The following ADCY9 variants were observed in gnomAD, a reference collection of about 807,000 sequenced individuals.
The protein encoded by ADCY9 is adenylate cyclase type 9.
Under a neutral mutation model 101.5 loss-of-function variants are expected in ADCY9, and 50 were observed. The ratio of observed to expected loss-of-function variants is 0.49; its 90% CI spans 0.39 to 0.62. The LOEUF is 0.62. Ranked by LOEUF, ADCY9 falls within the 20% of genes least tolerant of loss-of-function variation. The pLI is 0.00. For synonymous variants in ADCY9, 905 were observed against 769.3 expected (o/e 1.18, Z -2.92); for missense variants, 1,662 against 1,800.4 (o/e 0.92, Z 1.39).
At position 3,976,912 on chromosome 16, in the gene ADCY9, C is replaced by A. The variant is rs546336306; in HGVS notation, c.2828+570G>T. Among the ~76,000 whole-genome samples the A allele has an allele frequency of 5.3e-5, 8 of 152,360 alleles. No homozygotes were observed. The South Asian group carries it at 1.5e-3, about 28-fold the overall frequency. On this transcript the variant is annotated intron_variant, in intron 9 of 10. Coordinates refer to ENST00000294016, the MANE Select transcript of ADCY9 (RefSeq NM_001116.4). ...ACCTCAGGTGATCTGCCTGCCTTGG[C>A]CTCCCAAAGTGCTGGGATTACAGGC...
At chr16:4,090,694 T>C (rs1287242051) in intron 2 of ADCY9, among the ~76,000 whole-genome samples, 4 of 151,772 alleles carry the variant, frequency 2.6e-5, no homozygotes, top group Non-Finnish European at 4.4e-5. Flanking sequence ...AGGAAGTTCC[T>C]AGAGTTGTTG....
intron 2 of ADCY9, among the ~76,000 whole-genome samples, chr16:4,103,962 C>T (rs1397569382): frequency 6.6e-6 from 1 of 152,168 alleles, no homozygotes; most frequent in East Asian, 1.9e-4. Context: ...CCTACGACGA[C>T]GCTGCTGCCC....
At chr16:4,102,653 G>A (rs984326254) in intron 2 of ADCY9, among the ~76,000 whole-genome samples, 12 of 152,068 alleles carry the variant, frequency 7.9e-5, no homozygotes, top group Admixed American at 7.2e-4. Flanking sequence ...TCGAACTCCC[G>A]ACCTCAGGTG....
chr16:3,982,941 A>C, intron 7 of ADCY9: 1 of 461,652 alleles, frequency 2.2e-6, no homozygotes, highest in Non-Finnish European at 3.9e-6. Context: ...CTATCTTCTC[A>C]CCTTCTCCTT....
At chr16:3,995,162 T>C (rs2141706625) in intron 3 of ADCY9, among the ~76,000 whole-genome samples, 1 of 152,252 alleles carries the variant, frequency 6.6e-6, no homozygotes, top group South Asian at 2.1e-4. Context: ...TGGCTGGGTG[T>C]GGCGGCTGTA....
At chr16:4,078,224 G>A (rs1002184604) in intron 2 of ADCY9, among the ~76,000 whole-genome samples, 1 of 152,146 alleles carries the variant, frequency 6.6e-6, no homozygotes, top group African/African-American at 2.4e-5. Context: ...AGAACTGCAA[G>A]CAACTCAAAT....
Position 4,113,805 on chromosome 16 carries a change from T to C in ADCY9, c.1638A>G (p.Glu546=). The C allele has an allele frequency of 6.2e-7, 1 of 1,614,166 alleles. No homozygotes were observed. Among genetic ancestry groups the C allele is most frequent in the Non-Finnish European group, 8.5e-7 (1 of 1,180,020 alleles). ...CCAGCCGTTCAATAACTTTCCCATCTTCCATTTCGTACCGGTCATCTAAGT... is the reference window on the plus strand; with the variant it reads ...CCAGCCGTTCAATAACTTTCCCATCCTCCATTTCGTACCGGTCATCTAAGT... The part of the protein sequence containing the change: ...AKYLDDRYEM[E]DGKVIERLGQ... The change falls in exon 2 of 11, where the codon GAA becomes GAG. Residue 546 remains glutamate, a synonymous_variant. Transcript: ENST00000294016.
At chr16:3,958,093 C>T (rs569001884), downstream of ADCY9, among the ~76,000 whole-genome samples, 2 of 152,260 alleles carry the variant, frequency 1.3e-5, no homozygotes, top group South Asian at 4.1e-4. Flanking sequence ...GGTCCCCAAC[C>T]ATCGGCTCTT....
chr16:4,051,085 C>G (rs1011461239), intron 2 of ADCY9, among the ~76,000 whole-genome samples: 1 of 151,100 alleles, frequency 6.6e-6, no homozygotes, highest in Non-Finnish European at 1.5e-5. Context: ...TGGTGGCGCA[C>G]GCCTGTAATC....
At chr16:4,090,964 C>T (rs1044427487) in intron 2 of ADCY9, among the ~76,000 whole-genome samples, 2 of 152,026 alleles carry the variant, frequency 1.3e-5, no homozygotes, top group Admixed American at 1.3e-4. Context: ...AATGGCCAGC[C>T]ACATCTATGA....
intron 2 of ADCY9, among the ~76,000 whole-genome samples, chr16:4,044,816 C>A (rs1409748762): frequency 6.6e-6 from 1 of 152,178 alleles, no homozygotes; most frequent in Non-Finnish European, 1.5e-5. Context: ...GCCACATCAG[C>A]ACTCCAGGCA....
At chr16:4,016,874 C>T (rs901817945) in intron 2 of ADCY9, among the ~76,000 whole-genome samples, 14 of 151,914 alleles carry the variant, frequency 9.2e-5, no homozygotes, top group Admixed American at 2.0e-4. Flanking sequence ...TTTGGGGTGA[C>T]GAAAATGTAA....
chr16:4,105,095 C>T (rs940844014), intron 2 of ADCY9, among the ~76,000 whole-genome samples: 13 of 151,904 alleles, frequency 8.6e-5, no homozygotes, highest in Admixed American at 6.6e-4. Flanking sequence ...AAACTTCAAC[C>T]GTTTATTAAT....
chr16:4,116,085 G>A lies in ADCY9; in HGVS notation c.-439C>T, dbSNP rs2057150731. ...CTGCCCGCGGCGGCGGGCGCTGGGG[G>A]TGGGGGCGCCCCGGGCTGCGAGTGC... On this transcript the variant is annotated 5_prime_UTR_variant, in exon 1 of 11. Coordinates refer to ENST00000294016, the MANE Select transcript of ADCY9 (RefSeq NM_001116.4). 6.9e-6 allele frequency: 1 copy of A among 145,816 alleles called. No homozygotes were observed. Among genetic ancestry groups the A allele is most frequent in the Non-Finnish European group, 1.5e-5 (1 of 65,640 alleles). 9.0% of individuals were successfully genotyped at this position (145,816 alleles called of 1,614,324 possible).
chr16:4,018,120 A>T lies in ADCY9; in HGVS notation c.1694-10562T>A, dbSNP rs533255319. Among the ~76,000 whole-genome samples the T allele has an allele frequency of 3.9e-5, 6 of 152,230 alleles. No individual in the cohort carries two copies. In the East Asian group the frequency reaches 1.2e-3, roughly 29 times the overall value. Reference sequence around the variant, plus strand: ...ACTGACACCTCCTGTGGGCATCTTCAGCTGGAAGAAAGGCCACCGAGGCTG... The same window carrying T: ...ACTGACACCTCCTGTGGGCATCTTCTGCTGGAAGAAAGGCCACCGAGGCTG... On this transcript the variant is annotated intron_variant, in intron 2 of 10. Coordinates refer to ENST00000294016, the MANE Select transcript of ADCY9 (RefSeq NM_001116.4).
rs201937867 is a variant in ADCY9, at chr16:4,003,567, T to TC, written c.1884+3800_1884+3801insG. 4.3e-3 allele frequency among the ~76,000 whole-genome samples: 635 copies of TC among 148,360 alleles called. 4 individuals are homozygous for TC. The highest frequency in any genetic ancestry group is 0.015 in the African/African-American group (598 of 40,690). ...TGTGTGTTTGCTCTTTCTTTTCTTT[T>TC]TTTTTTTTTTTTTTTGAGACAGTGT... is the stretch of plus-strand genomic sequence containing the variant. On this transcript the variant is annotated intron_variant, in intron 3 of 10. Transcript: ENST00000294016.
At chr16:4,027,911 C>A (rs1028007159) in intron 2 of ADCY9, among the ~76,000 whole-genome samples, 6 of 151,570 alleles carry the variant, frequency 4.0e-5, no homozygotes, top group African/African-American at 1.5e-4. Flanking sequence ...CCCATCAGAT[C>A]TCGTGAGACT....
chr16:4,024,288 C>T (rs530923432), intron 2 of ADCY9, among the ~76,000 whole-genome samples: 6 of 152,094 alleles, frequency 3.9e-5, no homozygotes, highest in Non-Finnish European at 7.4e-5. Flanking sequence ...CCCAAAGTGC[C>T]GGGATTATAG....
At chr16:3,969,829 TGGTCTCAAACTCCTG>T (rs1003842685) in intron 10 of ADCY9, among the ~76,000 whole-genome samples, 1 of 151,508 alleles carries the variant, frequency 6.6e-6, no homozygotes, top group Non-Finnish European at 1.5e-5. Context: ...TTGCCCAGGC[TGGTCTCAAACTCCTG>T]GGTTCAAACT....
Sources: allele counts gnomAD v4.1 joint callset (sites outside exome capture counted in the v4.1 genomes callset), GRCh38; gene constraint gnomAD v4.1.1; transcripts MANE v1.5; gene names NCBI Gene and HGNC (gene_info 2026-07-23, HGNC 2026-07-21).